HMBOX1: variants seen among roughly 807,000 people sequenced by gnomAD.
HMBOX1 encodes homeobox containing 1, also known as homeobox-containing protein 1.
HMBOX1 carries 14 observed loss-of-function variants against 54.5 expected under a neutral mutation model. The ratio of observed to expected loss-of-function variants is 0.26; its 90% CI spans 0.17 to 0.40. HMBOX1 has a LOEUF of 0.40. Ranked by LOEUF, HMBOX1 falls within the 10% of genes least tolerant of loss-of-function variation. The pLI is 1.00. For missense variants in HMBOX1, 332 were observed against 514.4 expected (o/e 0.65, Z 3.43); for synonymous variants, 160 against 181.0 (o/e 0.88, Z 0.93).
intron 1 of HMBOX1, among the ~76,000 whole-genome samples, chr8:28,951,298 A>G (rs1030494657): frequency 2.0e-5 from 3 of 152,052 alleles, no homozygotes; most frequent in Non-Finnish European, 4.4e-5. Flanking sequence ...ACGCCCAGCT[A>G]ATTTTTACAT....
At chr8:28,973,470 A>G (rs1387056606) in intron 3 of HMBOX1, among the ~76,000 whole-genome samples, 3 of 152,232 alleles carry the variant, frequency 2.0e-5, no homozygotes, top group South Asian at 2.1e-4. Flanking sequence ...TTGCTGCTTC[A>G]AAACAATCAC....
Position 28,980,277 on chromosome 8 carries a change from A to T in HMBOX1, c.586+121A>T. ...CAGATCTGTCAACTTAGGCATAATT[A>T]TGTATGCCTGTGATTTAAAACCCAT... On this transcript the variant is annotated intron_variant, in intron 4 of 9. Transcript: ENST00000287701. The T allele has an allele frequency of 5.4e-6, 4 of 742,926 alleles. No homozygotes were observed. The South Asian group carries it at 6.4e-5, about 12-fold the overall frequency. 46.0% of individuals were successfully genotyped at this position (742,926 alleles called of 1,614,324 possible).
In HMBOX1 at chr8:29,029,106, C is replaced by T. The variant is rs140486563; in HGVS notation, c.851+10193C>T. On this transcript the variant is annotated intron_variant, in intron 6 of 9. Transcript: ENST00000287701. ...ATTTTCCGCCTATTAAAAAAACACT[C>T]TACTTCTTGAAGAGAATCCTGTTAC... Among the ~76,000 whole-genome samples the T allele has an allele frequency of 3.2e-3, 492 of 151,386 alleles. 7 individuals are homozygous for T. Among genetic ancestry groups the T allele is most frequent in the African/African-American group, 0.011 (459 of 40,700 alleles).
chr8:28,916,647 CTAT>C (rs991464924), intron 1 of HMBOX1, among the ~76,000 whole-genome samples: 11 of 152,142 alleles, frequency 7.2e-5, no homozygotes, highest in African/African-American at 2.7e-4. Context: ...TCTGGACTTT[CTAT>C]TATTCTATTC....
chr8:28,965,568 G>C (rs1324608237), intron 2 of HMBOX1, among the ~76,000 whole-genome samples: 1 of 152,198 alleles, frequency 6.6e-6, no homozygotes, highest in Non-Finnish European at 1.5e-5. Context: ...AGGTGGAGGT[G>C]TACCTTTACA....
chr8:28,987,519 T>A (rs986769721), intron 4 of HMBOX1, among the ~76,000 whole-genome samples: 1 of 152,140 alleles, frequency 6.6e-6, no homozygotes, highest in Non-Finnish European at 1.5e-5. Context: ...ATATCATAAA[T>A]AACTTCCTGC....
intron 6 of HMBOX1, among the ~76,000 whole-genome samples, chr8:29,021,942 T>G (rs1801249632): frequency 6.6e-6 from 1 of 152,242 alleles, no homozygotes; most frequent in Non-Finnish European, 1.5e-5. Flanking sequence ...ATTCTTCACT[T>G]ATTACATTGA....
chr8:28,970,547 C>T lies in HMBOX1; in HGVS notation c.500+28C>T. ...TAGTGACTTTGCTTATTCAGAGTCC[C>T]TAAAAATGTCTGTATTCTTAGATTG... On this transcript the variant is annotated intron_variant, in intron 3 of 9. Transcript: ENST00000287701. The surrounding 1 kb of genome is among the most constrained non-coding windows in gnomAD (Gnocchi z 4.3). The T allele has an allele frequency of 1.5e-6, 2 of 1,368,520 alleles. No individual in the cohort carries two copies. The highest frequency in any genetic ancestry group is 2.0e-6 in the Non-Finnish European group (2 of 996,068). The allele number at this position is 1,368,520 out of a possible 1,614,324, so 84.8% of individuals were successfully genotyped here. A position where few individuals can be genotyped will look rare whatever the true frequency, so the allele number is the denominator to read the frequency against.
intron 1 of HMBOX1, among the ~76,000 whole-genome samples, chr8:28,949,020 G>A (rs756997503): frequency 6.6e-6 from 1 of 152,024 alleles, no homozygotes; most frequent in Non-Finnish European, 1.5e-5. Context: ...AATAAATCAG[G>A]GCATCTGTAT....
chr8:28,956,153 T>C (rs144503333), intron 1 of HMBOX1, among the ~76,000 whole-genome samples: 160 of 152,208 alleles, frequency 1.1e-3, no homozygotes, highest in African/African-American at 3.8e-3. Context: ...TGAAATATGG[T>C]AGTATGATTG....
chr8:28,985,635 C>A (rs1830044688), intron 4 of HMBOX1, among the ~76,000 whole-genome samples: 1 of 152,154 alleles, frequency 6.6e-6, no homozygotes, highest in Non-Finnish European at 1.5e-5. Flanking sequence ...CAGCTGTACT[C>A]AGATCACTGC....
chr8:28,891,664 T>G (rs1213744639), intron 1 of HMBOX1: 2 of 152,282 alleles, frequency 1.3e-5, no homozygotes, highest in African/African-American at 2.4e-5. Context: ...CAGGAGGAAC[T>G]GTTGGAAATT....
At chr8:29,005,990 A>ATTTTTT (rs775589443) in intron 4 of HMBOX1, among the ~76,000 whole-genome samples, 4 of 120,858 alleles carry the variant, frequency 3.3e-5, no homozygotes, top group Admixed American at 8.6e-5. Context: ...GATGCATTCT[A>ATTTTTT]TTTTTTTTTT....
chr8:28,960,922 G>A (rs960602698), intron 1 of HMBOX1, among the ~76,000 whole-genome samples: 1 of 151,328 alleles, frequency 6.6e-6, no homozygotes, highest in African/African-American at 2.4e-5. Flanking sequence ...GAGCAGCTGG[G>A]ACTACAGGTG....
chr8:28,928,240 T>A (rs1818894809), intron 1 of HMBOX1, among the ~76,000 whole-genome samples: 1 of 152,132 alleles, frequency 6.6e-6, no homozygotes, highest in Non-Finnish European at 1.5e-5. Context: ...CAATGAAAAC[T>A]TCCCAAGAAA....
intron 1 of HMBOX1, among the ~76,000 whole-genome samples, chr8:28,902,539 C>T (rs1454068634): frequency 6.6e-6 from 1 of 152,080 alleles, no homozygotes; most frequent in Non-Finnish European, 1.5e-5. Context: ...CTAGCTTACT[C>T]ATGAGACATT....
At chr8:28,971,470 G>A (rs1428349862) in intron 3 of HMBOX1, among the ~76,000 whole-genome samples, 4 of 152,196 alleles carry the variant, frequency 2.6e-5, no homozygotes, top group Admixed American at 2.0e-4. Context: ...GTAACAGCAT[G>A]TGTTTTCCAT....
At chr8:28,952,217 C>T (rs1823579501) in intron 1 of HMBOX1, among the ~76,000 whole-genome samples, 1 of 150,042 alleles carries the variant, frequency 6.7e-6, no homozygotes, top group Non-Finnish European at 1.5e-5. Flanking sequence ...CAACTGGAAT[C>T]AGGACTAGGA....
intron 1 of HMBOX1, among the ~76,000 whole-genome samples, chr8:28,922,040 A>G (rs1464307091): frequency 6.6e-6 from 1 of 152,178 alleles, no homozygotes; most frequent in African/African-American, 2.4e-5. Flanking sequence ...CCAAACTTAA[A>G]TTTTGCCTGG....
Sources: gnomAD v4.1 joint callset for allele counts (sites outside exome capture counted in the v4.1 genomes callset) on GRCh38, gnomAD v4.1.1 for gene constraint, Gnocchi (gnomAD v3.1) non-coding constraint, MANE v1.5 for transcripts, NCBI Gene and HGNC (gene_info 2026-07-23, HGNC 2026-07-21) for gene names.